APOBEC3G: variants seen among roughly 807,000 people sequenced by gnomAD.
APOBEC3G encodes apolipoprotein B mRNA editing enzyme catalytic subunit 3G.
In APOBEC3G, 44 loss-of-function variants were observed where a neutral mutation model predicts 50.0. The ratio of observed to expected loss-of-function variants is 0.88; its 90% CI spans 0.69 to 1.13. APOBEC3G has a LOEUF of 1.13. Among genes scored for constraint, APOBEC3G ranks in the 50% most tolerant of loss-of-function variants. The pLI, the probability that APOBEC3G is intolerant of heterozygous loss-of-function variation, is 0.00. For synonymous variants in APOBEC3G, 156 were observed against 175.3 expected (o/e 0.89, Z 0.87); for missense variants, 469 against 492.0 (o/e 0.95, Z 0.44).
In APOBEC3G at chr22:39,081,180, A is replaced by G; in HGVS notation, c.419A>G (p.Gln140Arg). ...DYQEALRSLC[Q>R]KRDGPRATMK... Reference sequence around the variant, plus strand: ...CAGGAGGCGCTTCGCAGCCTGTGTCAGAAAAGAGACGGTCCGCGTGCCACC... The same window carrying G: ...CAGGAGGCGCTTCGCAGCCTGTGTCGGAAAAGAGACGGTCCGCGTGCCACC... Residue 140 changes from glutamine (Q) to arginine (R), a missense_variant, in exon 3 of 8, where the codon CAG (glutamine) becomes CGG (arginine). Gln to Arg is a conservative substitution (Grantham distance 43). Transcript: ENST00000407997. 1.2e-6 allele frequency: 2 copies of G among 1,614,248 alleles called. No individual in the cohort carries two copies. Among genetic ancestry groups the G allele is most frequent in the Non-Finnish European group, 1.7e-6 (2 of 1,180,042 alleles).
intron 2 of APOBEC3G, chr22:39,080,126 C>A: frequency 7.0e-6 from 2 of 284,710 alleles, no homozygotes; most frequent in South Asian, 2.5e-4. Context: ...ACTCAGTAGT[C>A]CCTTGGCCAT....
Position 39,079,315 on chromosome 22 carries a change from CTTTTTTCTTT to C in APOBEC3G, c.171+237_171+246del, listed in dbSNP as rs1928323854. 9 of 543,620 alleles carry C rather than the reference CTTTTTTCTTT, an allele frequency of 1.7e-5. No individual in the cohort carries two copies. The Middle Eastern group carries it at 3.0e-3, about 182-fold the overall frequency. 33.7% of individuals were successfully genotyped at this position (543,620 alleles called of 1,614,324 possible). On this transcript the variant is annotated intron_variant, in intron 2 of 7. Coordinates refer to ENST00000407997, the MANE Select transcript of APOBEC3G (RefSeq NM_021822.4). ...TGTGTTTCCGTTTTTCTTTTCTTTT[CTTTTTTCTTT>C]TTTTTTTTTGAGACAGAGTTTCACT...
intron 4 of APOBEC3G, chr22:39,081,989 T>A: frequency 5.8e-6 from 1 of 171,666 alleles, no homozygotes; most frequent in Non-Finnish European, 1.3e-5. Flanking sequence ...AAGGCCAACC[T>A]GAGCCCCTGA....
At position 39,078,127 on chromosome 22, in the gene APOBEC3G, C is replaced by T. The variant is rs553312981; in HGVS notation, c.17+749C>T. 5.3e-5 allele frequency among the ~76,000 whole-genome samples: 8 copies of T among 152,176 alleles called. No individual in the cohort carries two copies. The South Asian group carries it at 6.2e-4, about 12-fold the overall frequency. On this transcript the variant is annotated intron_variant, in intron 1 of 7. Coordinates refer to ENST00000407997, the MANE Select transcript of APOBEC3G (RefSeq NM_021822.4). Reference sequence around the variant, plus strand: ...ATGCAAAATTAGCTGGGTGTGGTGGCGGGCGCCTGTAATCGCAGCTACTTG... The same window carrying T: ...ATGCAAAATTAGCTGGGTGTGGTGGTGGGCGCCTGTAATCGCAGCTACTTG...
chr22:39,085,474 C>A (rs1928652347), intron 5 of APOBEC3G, among the ~76,000 whole-genome samples: 1 of 152,216 alleles, frequency 6.6e-6, no homozygotes, highest in Non-Finnish European at 1.5e-5. Flanking sequence ...CCCTGCAGGC[C>A]TGGGGCGGAG....
At position 39,077,350 on chromosome 22, in the gene APOBEC3G, A is replaced by G. The variant is rs1601516172; in HGVS notation, c.-12A>G. On this transcript the variant is annotated 5_prime_UTR_variant, in exon 1 of 8. Coordinates refer to ENST00000407997, the MANE Select transcript of APOBEC3G (RefSeq NM_021822.4). ...CCAGACAAAGATCTTAGTCGGGACT[A>G]GCCGGCCAAGGATGAAGCCTCACTT... The G allele has an allele frequency of 6.3e-7, 1 of 1,576,824 alleles. No individual in the cohort carries two copies. Among genetic ancestry groups the G allele is most frequent in the Non-Finnish European group, 8.6e-7 (1 of 1,160,758 alleles).
At chr22:39,078,245 G>T (rs1222643429) in intron 1 of APOBEC3G, among the ~76,000 whole-genome samples, 1 of 151,290 alleles carries the variant, frequency 6.6e-6, no homozygotes, top group African/African-American at 2.4e-5. Context: ...GGCAACAAGA[G>T]CAAAACTTCG....
intron 1 of APOBEC3G, among the ~76,000 whole-genome samples, chr22:39,077,612 T>G (rs1321198058): frequency 6.6e-6 from 1 of 152,026 alleles, no homozygotes; most frequent in Non-Finnish European, 1.5e-5. Context: ...GGTCCCCTGC[T>G]GAGACTCTCC....
At chr22:39,083,696 C>T (rs754838478) in intron 4 of APOBEC3G, 35 bp from the exon 5 acceptor site, 1 of 1,608,360 alleles carries the variant, frequency 6.2e-7, no homozygotes, top group South Asian at 1.1e-5. Flanking sequence ...ACCAGGAGGG[C>T]TCTTACTCCT....
At chr22:39,079,438 C>G (rs1928330772) in intron 2 of APOBEC3G, 1 of 194,486 alleles carries the variant, frequency 5.1e-6, no homozygotes, top group East Asian at 1.4e-4. Context: ...TCGCCTCAGA[C>G]TCGCAAGTAG....
intron 1 of APOBEC3G, chr22:39,078,670 G>A (rs555984313): frequency 2.2e-6 from 1 of 458,258 alleles, no homozygotes; most frequent in East Asian, 3.8e-5. Flanking sequence ...GAGCTGAAAG[G>A]TTAAAAGCTG....
At chr22:39,078,735 G>T in intron 1 of APOBEC3G, 197 bp from the exon 2 acceptor site, 1 of 607,000 alleles carries the variant, frequency 1.6e-6, no homozygotes, top group Non-Finnish European at 2.7e-6. Flanking sequence ...TTTTTGAGAC[G>T]GAATTTCGCT....
chr22:39,080,740 T>G (rs1482967435), intron 2 of APOBEC3G, 193 bp from the exon 3 acceptor site: 6 of 608,100 alleles, frequency 9.9e-6, no homozygotes, highest in African/African-American at 3.7e-5. Context: ...CTTAAGGCCA[T>G]TACCATAGCA....
At chr22:39,078,844 G>C in intron 1 of APOBEC3G, 88 bp from the exon 2 acceptor site, 3 of 1,557,564 alleles carry the variant, frequency 1.9e-6, no homozygotes, top group East Asian at 4.5e-5. Flanking sequence ...GCCTAGAGCC[G>C]TCCAGGGGGC....
Position 39,087,640 on chromosome 22 carries a change from G to A in APOBEC3G, c.*219G>A, listed in dbSNP as rs1471264983. ...TTATATTTCAAGAATAAAGTACTAA[G>A]ATTGTGCTCAATACACAGAAAAGTT... On this transcript the variant is annotated 3_prime_UTR_variant, in exon 8 of 8. Coordinates refer to ENST00000407997, the MANE Select transcript of APOBEC3G (RefSeq NM_021822.4). The A allele has an allele frequency of 4.2e-6, 4 of 962,014 alleles. No homozygotes were observed. Among genetic ancestry groups the A allele is most frequent in the Non-Finnish European group, 6.0e-6 (4 of 664,352 alleles). The allele number at this position is 962,014 out of a possible 1,614,324, so 59.6% of individuals were successfully genotyped here.
chr22:39,080,812 A>G, intron 2 of APOBEC3G, 121 bp from the exon 3 acceptor site: 1 of 892,926 alleles, frequency 1.1e-6, no homozygotes, highest in East Asian at 2.7e-5. Context: ...GGGATGGAGG[A>G]AAGGAGCTTC....
intron 3 of APOBEC3G, 107 bp downstream of exon 3, chr22:39,081,334 T>G: frequency 6.5e-7 from 1 of 1,543,552 alleles, no homozygotes. Flanking sequence ...AAAGGCCAAG[T>G]GTCCCAGGGG....
At position 39,081,162 on chromosome 22, in the gene APOBEC3G, C is replaced by G. The variant is rs772465005; in HGVS notation, c.401C>G (p.Ala134Gly). 6.2e-7 allele frequency: 1 copy of G among 1,614,240 alleles called. No individual in the cohort carries two copies. The highest frequency in any genetic ancestry group is 1.7e-5 in the Admixed American group (1 of 60,030). ...TTCTGGGACCCAGATTACCAGGAGG[C>G]GCTTCGCAGCCTGTGTCAGAAAAGA... ...YYFWDPDYQEALRSLCQKRDG... is the reference protein window; with the variant it reads ...YYFWDPDYQEGLRSLCQKRDG... Residue 134 changes from alanine to glycine, a missense_variant, in exon 3 of 8, where the codon GCG (alanine) becomes GGG (glycine). Coordinates refer to ENST00000407997, the MANE Select transcript of APOBEC3G (RefSeq NM_021822.4).
intron 2 of APOBEC3G, 36 bp from the exon 3 acceptor site, chr22:39,080,897 C>A: frequency 3.2e-6 from 5 of 1,572,156 alleles, no homozygotes; most frequent in East Asian, 2.3e-5. Flanking sequence ...CCTGCTCCCC[C>A]TCTCAGAGCT....
Sources: gnomAD v4.1 joint callset for allele counts (sites outside exome capture counted in the v4.1 genomes callset) on GRCh38, gnomAD v4.1.1 for gene constraint, MANE v1.5 for transcripts, NCBI Gene and HGNC (gene_info 2026-07-23, HGNC 2026-07-21) for gene names.